The following CHD7 variants were observed in gnomAD, a reference collection of about 807,000 sequenced individuals.
The protein encoded by CHD7 is chromodomain helicase DNA binding protein 7.
Under a neutral mutation model 307.3 loss-of-function variants are expected in CHD7, and 24 were observed. That is an observed-to-expected ratio of 0.08 (90% CI 0.06 to 0.11). The LOEUF (loss-of-function observed/expected upper bound fraction) is 0.11. Ranked by LOEUF, CHD7 falls within the 10% of genes least tolerant of loss-of-function variation. The pLI is 1.00. For synonymous variants in CHD7, 1,363 were observed against 1,349.9 expected, an observed-to-expected ratio of 1.01 and a Z score of -0.21; for missense variants, 3,106 against 3,727.1, an observed-to-expected ratio of 0.83 and a Z score of 4.34.
chr8:60,835,590 T>G (rs1271021987), intron 15 of CHD7, among the ~76,000 whole-genome samples: 1 of 152,240 alleles, frequency 6.6e-6, no homozygotes, highest in Non-Finnish European at 1.5e-5. Flanking sequence ...AATATGCAAT[T>G]ATAGACCCAA....
chr8:60,764,845 A>G (rs1387400765), intron 2 of CHD7, among the ~76,000 whole-genome samples: 3 of 152,202 alleles, frequency 2.0e-5, no homozygotes, highest in Non-Finnish European at 4.4e-5. Flanking sequence ...TGAAGGAGAA[A>G]CTTACGCAGA....
chr8:60,856,420 CTG>C (rs1052540310), intron 33 of CHD7, 23 bp from the exon 34 acceptor site: 1 of 1,587,892 alleles, frequency 6.3e-7, no homozygotes, highest in Non-Finnish European at 8.6e-7. Flanking sequence ...CACTGCAACT[CTG>C]TTCTGTTGGA....
chr8:60,802,442 A>G (rs1303814124), intron 6 of CHD7, among the ~76,000 whole-genome samples: 1 of 152,240 alleles, frequency 6.6e-6, no homozygotes, highest in African/African-American at 2.4e-5. Context: ...TCGCAGCTTC[A>G]GTCATTATCA....
chr8:60,844,387 T>A (rs1805108847), intron 21 of CHD7, among the ~76,000 whole-genome samples: 1 of 152,238 alleles, frequency 6.6e-6, no homozygotes, highest in Non-Finnish European at 1.5e-5. Flanking sequence ...CACCAGTGAC[T>A]GTGGCATCCC....
At position 60,856,196 on chromosome 8, in the gene CHD7, G is replaced by A. The variant is rs373945330; in HGVS notation, c.7158G>A (p.Leu2386=). 1 of 1,581,558 alleles carries A rather than the reference G, an allele frequency of 6.3e-7. No homozygotes were observed. Among genetic ancestry groups the A allele is most frequent in the Non-Finnish European group, 8.6e-7 (1 of 1,162,242 alleles). ...AGGACATCACTACGTCTCCTCAGTT[G>A]TCAAAGGTGAATTAGAATGGCTTGT... ...GSEDITTSPQ[L]SKEDALNLSV... Residue 2386 remains leucine (L), a synonymous_variant, in exon 33 of 38, where the codon TTG becomes TTA. Transcript: ENST00000423902.
intron 34 of CHD7, among the ~76,000 whole-genome samples, chr8:60,859,235 C>T (rs906064008): frequency 6.6e-6 from 1 of 152,000 alleles, no homozygotes; most frequent in Admixed American, 6.5e-5. Context: ...GAAAGCACTG[C>T]TCGATCTGTA....
At chr8:60,759,452 T>C (rs1333425265) in intron 2 of CHD7, among the ~76,000 whole-genome samples, 1 of 148,804 alleles carries the variant, frequency 6.7e-6, no homozygotes, top group Non-Finnish European at 1.5e-5. Context: ...TGTCTCCCTC[T>C]CTCTCTCCCT....
At chr8:60,786,286 A>G (rs1282502338) in intron 3 of CHD7, among the ~76,000 whole-genome samples, 2 of 152,156 alleles carry the variant, frequency 1.3e-5, no homozygotes, top group African/African-American at 4.8e-5. Context: ...AGGGTGAGAG[A>G]GTCATCAGCT....
chr8:60,783,836 A>C (rs1340900755), intron 3 of CHD7, among the ~76,000 whole-genome samples: 1 of 152,158 alleles, frequency 6.6e-6, no homozygotes, highest in East Asian at 1.9e-4. Context: ...TTGACCACTT[A>C]TAGGGCCACT....
At chr8:60,733,472 A>G (rs1808555247) in intron 1 of CHD7, among the ~76,000 whole-genome samples, 1 of 152,204 alleles carries the variant, frequency 6.6e-6, no homozygotes, top group Non-Finnish European at 1.5e-5. Context: ...CTGCGGCAGC[A>G]GGTCAGCTGT....
Position 60,795,164 on chromosome 8 carries a change from T to A in CHD7, c.2238+37T>A, listed in dbSNP as rs535789738. On this transcript the variant is annotated intron_variant, in intron 4 of 37. Coordinates refer to ENST00000423902, the MANE Select transcript of CHD7 (RefSeq NM_017780.4). Reference sequence around the variant, plus strand: ...ATTGTGATTCCCGAGCCTTGGTTATTTGGCATGGGTAACTTTAGCCATGTA... The same window carrying A: ...ATTGTGATTCCCGAGCCTTGGTTATATGGCATGGGTAACTTTAGCCATGTA... 7 of 1,603,520 alleles carry A rather than the reference T, an allele frequency of 4.4e-6. No homozygotes were observed. In the East Asian group the frequency reaches 1.3e-4, roughly 31 times the overall value.
chr8:60,741,962 C>G lies in CHD7; in HGVS notation c.530C>G (p.Pro177Arg), dbSNP rs541311313. ...PQPPQPAPSG[P>R]PAQGHPQHMQ... is the part of the protein sequence containing the mutation. ...CCACCGCAGCCGGCTCCGTCGGGGCCCCCTGCACAGGGCCACCCTCAGCAC... is the reference window on the plus strand; with the variant it reads ...CCACCGCAGCCGGCTCCGTCGGGGCGCCCTGCACAGGGCCACCCTCAGCAC... The change falls in exon 2 of 38, where the codon CCC (proline) becomes CGC (arginine). Residue 177 changes from proline (P) to arginine (R), a missense_variant. This residue lies in a region of CHD7 where 998 missense variants were observed against 1,004.5 expected (regional missense o/e 0.99). Transcript: ENST00000423902. The G allele has an allele frequency of 9.9e-6, 16 of 1,613,734 alleles. No individual in the cohort carries two copies. The highest frequency in any genetic ancestry group is 2.2e-5 in the East Asian group (1 of 44,884).
rs368747227 is a variant in CHD7 at position 60,848,574 on chromosome 8, C to T, written c.5270C>T (p.Ala1757Val). ...YLRQEVIGDQ[A>V]DKILEGADSS... Reference sequence around the variant, plus strand: ...AGACAAGAAGTGATAGGAGACCAGGCGGATAAGATCTTAGAGGGTGCTGAC... The same window carrying T: ...AGACAAGAAGTGATAGGAGACCAGGTGGATAAGATCTTAGAGGGTGCTGAC... Residue 1757 changes from alanine (A) to valine (V), a missense_variant, in exon 24 of 38, where the codon GCG becomes GTG. Transcript: ENST00000423902. 5.0e-5 allele frequency: 81 copies of T among 1,613,380 alleles called. No homozygotes were observed. The highest frequency in any genetic ancestry group is 2.5e-4 in the South Asian group (23 of 90,926).
intron 28 of CHD7, 115 bp from the exon 29 acceptor site, chr8:60,851,904 G>C (rs919242973): frequency 7.0e-5 from 45 of 646,420 alleles, no homozygotes; most frequent in African/African-American, 5.5e-5. Flanking sequence ...AGGGCACTGA[G>C]ATGCCCTTTC....
chr8:60,738,836 A>G (rs1276392579), intron 1 of CHD7, among the ~76,000 whole-genome samples: 2 of 152,078 alleles, frequency 1.3e-5, no homozygotes, highest in Non-Finnish European at 2.9e-5. Flanking sequence ...CTTAGTTGAT[A>G]CCATATAATG....
rs533092146 is a variant in CHD7, at chr8:60,691,666, C to G, written c.-175+12584C>G. 2.6e-5 allele frequency among the ~76,000 whole-genome samples: 4 copies of G among 152,322 alleles called. No individual in the cohort carries two copies. In the East Asian group the frequency reaches 7.7e-4, roughly 29 times the overall value. ...GCAGCTAATGTTCTTACCCACTCCT[C>G]CCTTCCACCTCACCAGGATTAAGAA... On this transcript the variant is annotated intron_variant, in intron 1 of 37. Coordinates refer to ENST00000423902, the MANE Select transcript of CHD7 (RefSeq NM_017780.4).
chr8:60,777,398 A>G (rs1811000693), intron 2 of CHD7, among the ~76,000 whole-genome samples: 1 of 152,252 alleles, frequency 6.6e-6, no homozygotes, highest in Non-Finnish European at 1.5e-5. Context: ...TCAGCAGTGT[A>G]ATTAAGGCAA....
At chr8:60,713,528 T>C (rs10104525) in intron 1 of CHD7, among the ~76,000 whole-genome samples, 73,172 of 152,102 alleles carry the variant, frequency 0.48, 21,590 homozygotes, top group East Asian at 0.74. Context: ...GGATCAGTAT[T>C]TGATTTCAAT....
In CHD7 at chr8:60,865,549, G is replaced by T. The variant is rs375459176; in HGVS notation, c.8610G>T (p.Ala2870=). 9.3e-6 allele frequency: 15 copies of T among 1,613,928 alleles called. No individual in the cohort carries two copies. The highest frequency in any genetic ancestry group is 3.3e-5 in the Admixed American group (2 of 60,012). The part of the protein sequence containing the change: ...STDAVSAADS[A]NGSVGAATAP... ...ATGCTGTTTCGGCTGCTGACTCTGC[G>T]AATGGATCTGTTGGTGCTGCTACTG... Residue 2870 remains alanine, a synonymous_variant, in exon 38 of 38, where the codon GCG becomes GCT. Transcript: ENST00000423902. This position sits in a 1 kb window ranked among gnomAD's most constrained non-coding sequence, Gnocchi z 4.3.
Sources: gnomAD v4.1 joint callset for allele counts (sites outside exome capture counted in the v4.1 genomes callset) on GRCh38, gnomAD v4.1.1 for gene constraint, gnomAD v4.1.1 regional missense constraint, Gnocchi (gnomAD v3.1) non-coding constraint, MANE v1.5 for transcripts, NCBI Gene and HGNC (gene_info 2026-07-23, HGNC 2026-07-21) for gene names.